The following CFAP43 variants were observed in gnomAD, a reference collection of about 807,000 sequenced individuals.
The protein encoded by CFAP43 is cilia and flagella associated protein 43, also known as cilia- and flagella-associated protein 43.
CFAP43 carries 155 observed loss-of-function variants against 218.9 expected under a neutral mutation model. That is an observed-to-expected ratio of 0.71 (90% CI 0.62 to 0.81). CFAP43 has a LOEUF of 0.81. CFAP43 is among the 30% of genes least tolerant of loss of function. The pLI is 0.00. For synonymous variants in CFAP43, 645 were observed against 681.3 expected (o/e 0.95, Z 0.83); for missense variants, 1,778 against 1,954.3 (o/e 0.91, Z 1.70).
At chr10:104,164,651 GCCT>G (rs1477128101) in intron 23 of CFAP43, among the ~76,000 whole-genome samples, 1 of 152,146 alleles carries the variant, frequency 6.6e-6, no homozygotes, top group Non-Finnish European at 1.5e-5. Flanking sequence ...ACCTGCCTCG[GCCT>G]CCCAAAGTGC....
intron 2 of CFAP43, among the ~76,000 whole-genome samples, chr10:104,227,539 G>T (rs2135014460): frequency 6.6e-6 from 1 of 152,182 alleles, no homozygotes; most frequent in African/African-American, 2.4e-5. Context: ...AACATTTTTT[G>T]ATGTCTTTGG....
intron 7 of CFAP43, 69 bp from the exon 8 acceptor site, chr10:104,203,872 C>T (rs904104937): frequency 3.4e-5 from 46 of 1,367,286 alleles, no homozygotes; most frequent in Admixed American, 5.4e-5. Flanking sequence ...CCTCATCAGA[C>T]AAGCTAAGGC....
intron 8 of CFAP43, among the ~76,000 whole-genome samples, chr10:104,200,929 A>T (rs536946823): frequency 3.3e-5 from 5 of 152,242 alleles, no homozygotes; most frequent in Non-Finnish European, 7.4e-5. Context: ...AAAACATAGT[A>T]AGGATTTTGG....
intron 27 of CFAP43, among the ~76,000 whole-genome samples, chr10:104,156,592 A>G (rs1039918905): frequency 2.6e-5 from 4 of 152,204 alleles, no homozygotes; most frequent in Admixed American, 1.3e-4. Flanking sequence ...AAACCTTACC[A>G]AAAAGTGGGG....
At chr10:104,162,279 A>G (rs1276481395) in intron 25 of CFAP43, 38 bp downstream of exon 25, 5 of 1,562,362 alleles carry the variant, frequency 3.2e-6, no homozygotes, top group Non-Finnish European at 4.4e-6. Context: ...CCTAAAGCAA[A>G]GAGGGTCTTA....
At chr10:104,206,807 G>A (rs1370069126) in intron 6 of CFAP43, among the ~76,000 whole-genome samples, 1 of 152,172 alleles carries the variant, frequency 6.6e-6, no homozygotes, top group African/African-American at 2.4e-5. Context: ...GCCCAACCAT[G>A]GCCACAGCTG....
Position 104,154,767 on chromosome 10 carries a change from A to T in CFAP43, c.3541-2041T>A, listed in dbSNP as rs147463907. ...TGCCATTTCTTCTTCAAATGCCCCA[A>T]ATTCTTCCCACTGCAGGTCCTTCTC... On this transcript the variant is annotated intron_variant, in intron 27 of 37. Coordinates refer to ENST00000357060, the MANE Select transcript of CFAP43 (RefSeq NM_025145.7). Among the ~76,000 whole-genome samples the T allele has an allele frequency of 8.1e-4, 124 of 152,254 alleles. No individual in the cohort carries two copies. The East Asian group carries it at 0.019, about 23-fold the overall frequency.
intron 10 of CFAP43, among the ~76,000 whole-genome samples, chr10:104,195,438 C>T (rs943512664): frequency 6.6e-6 from 1 of 152,160 alleles, no homozygotes; most frequent in African/African-American, 2.4e-5. Context: ...ATACATATAA[C>T]CCTTGGTCAC....
At chr10:104,230,889 C>CT (rs749012597) in intron 1 of CFAP43, 46 bp from the exon 2 acceptor site, 73,710 of 1,168,978 alleles carry the variant, frequency 0.063, 161 homozygotes, top group South Asian at 0.074. Context: ...ATTTCAAATA[C>CT]TTTTTTTTTT....
intron 3 of CFAP43, among the ~76,000 whole-genome samples, chr10:104,220,317 T>A (rs2091142291): frequency 6.6e-6 from 1 of 152,166 alleles, no homozygotes; most frequent in African/African-American, 2.4e-5. Context: ...GCATGCTGTT[T>A]AAGCCACCCA....
At chr10:104,179,458 T>C (rs1437566969) in intron 18 of CFAP43, among the ~76,000 whole-genome samples, 1 of 152,190 alleles carries the variant, frequency 6.6e-6, no homozygotes, top group Non-Finnish European at 1.5e-5. Context: ...AATCAGTCAG[T>C]CACCTTCCTG....
intron 20 of CFAP43, among the ~76,000 whole-genome samples, chr10:104,169,658 C>T (rs961955014): frequency 9.9e-5 from 15 of 151,904 alleles, no homozygotes; most frequent in Admixed American, 3.9e-4. Context: ...CTAGATAAGA[C>T]TAATATCTCG....
At chr10:104,164,441 A>G in intron 23 of CFAP43, 141 bp from the exon 24 acceptor site, 1 of 648,298 alleles carries the variant, frequency 1.5e-6, no homozygotes, top group South Asian at 2.0e-5. Context: ...TTTGTTGTCC[A>G]GGCTGGAGTG....
intron 4 of CFAP43, among the ~76,000 whole-genome samples, chr10:104,213,354 GA>G (rs2134975604): frequency 6.6e-6 from 1 of 152,262 alleles, no homozygotes; most frequent in African/African-American, 2.4e-5. Context: ...GGAGTACACT[GA>G]AAATGGTCAG....
intron 26 of CFAP43, among the ~76,000 whole-genome samples, chr10:104,161,557 TTTA>T (rs1320391062): frequency 6.6e-6 from 1 of 152,224 alleles, no homozygotes; most frequent in East Asian, 1.9e-4. Flanking sequence ...GTTACTTATT[TTTA>T]TTGATTTGTT....
chr10:104,230,323 G>C (rs912499814), intron 2 of CFAP43, among the ~76,000 whole-genome samples: 1 of 151,858 alleles, frequency 6.6e-6, no homozygotes, highest in Non-Finnish European at 1.5e-5. Context: ...AAATTAGCTG[G>C]GCGTGGTGGT....
In CFAP43 at chr10:104,164,250, T is replaced by C. The variant is rs146641264; in HGVS notation, c.3090A>G (p.Ala1030=). 16 of 1,613,050 alleles carry C rather than the reference T, an allele frequency of 9.9e-6. No homozygotes were observed. In the African/African-American group the frequency reaches 1.6e-4, roughly 16 times the overall value. The change falls in exon 24 of 38, where the codon GCA becomes GCG. Residue 1030 remains alanine (A), a synonymous_variant. Transcript: ENST00000357060. The stretch of plus-strand genomic sequence containing the variant: ...CAATTTCAAACTCTTTTTGTTTATA[T>C]GCAGCGTCAAACTCATTATTGAAAA... ...KTVFNNEFDA[A]YKQKEFEIAR... is the part of the protein sequence containing the mutation.
At chr10:104,175,633 G>A (rs374548931) in intron 19 of CFAP43, among the ~76,000 whole-genome samples, 1 of 152,122 alleles carries the variant, frequency 6.6e-6, no homozygotes, top group South Asian at 2.1e-4. Context: ...GTTTACCTTC[G>A]TGATTGCATG....
chr10:104,222,225 G>A (rs1178055147), intron 3 of CFAP43, among the ~76,000 whole-genome samples: 2 of 152,044 alleles, frequency 1.3e-5, no homozygotes, highest in Admixed American at 6.6e-5. Flanking sequence ...CAGGGTCCAC[G>A]GACTAACTGC....
Sources: allele counts gnomAD v4.1 joint callset (sites outside exome capture counted in the v4.1 genomes callset), GRCh38; gene constraint gnomAD v4.1.1; transcripts MANE v1.5; gene names NCBI Gene and HGNC (gene_info 2026-07-23, HGNC 2026-07-21).